Variants in OGDH observed in about 807,000 individuals in gnomAD.
The protein encoded by OGDH is 2-oxoglutarate dehydrogenase complex component E1.
OGDH carries 38 observed loss-of-function variants against 116.6 expected under a neutral mutation model. The observed-to-expected ratio is 0.33, with a 90% CI of 0.25 to 0.43. The LOEUF is 0.43. Among genes scored for constraint, OGDH ranks in the 20% least tolerant of loss-of-function variants. The probability of loss-of-function intolerance (pLI) is 1.00; values close to 1 mark genes in which losing one functional copy is unlikely to be tolerated. For missense variants in OGDH, 825 were observed against 1,357.2 expected (o/e 0.61, Z 6.16); for synonymous variants, 488 against 533.3 (o/e 0.92, Z 1.17).
intron 13 of OGDH, 107 bp from the exon 14 acceptor site, chr7:44,696,322 C>A: frequency 7.3e-7 from 1 of 1,369,030 alleles, no homozygotes; most frequent in Non-Finnish European, 1.0e-6. Flanking sequence ...ACAGTGTGAG[C>A]TACATTGTCT....
chr7:44,645,245 CA>C (rs1585276247), intron 2 of OGDH, 81 bp from the exon 3 acceptor site: 1 of 1,301,684 alleles, frequency 7.7e-7, no homozygotes, highest in East Asian at 2.3e-5. Flanking sequence ...GCCTTGCCTG[CA>C]GAGAGCAGTT....
rs139585590 is a variant in OGDH, at chr7:44,668,042, G to A, written c.633+1191G>A. On this transcript the variant is annotated intron_variant, in intron 5 of 22. Transcript: ENST00000222673. Reference sequence around the variant, plus strand: ...ACAGCCCAGGTCCCCTAAATCAGAAGCCCTCTAGCACCCCAGGGATTAATG... The same window carrying A: ...ACAGCCCAGGTCCCCTAAATCAGAAACCCTCTAGCACCCCAGGGATTAATG... 3.6e-3 allele frequency among the ~76,000 whole-genome samples: 547 copies of A among 152,270 alleles called. 3 individuals are homozygous for A. Among genetic ancestry groups the A allele is most frequent in the South Asian group, 7.4e-3 (36 of 4,834 alleles).
chr7:44,613,636 G>A (rs1784653162), intron 1 of OGDH, among the ~76,000 whole-genome samples: 1 of 152,030 alleles, frequency 6.6e-6, no homozygotes, highest in African/African-American at 2.4e-5. Context: ...TGGGATTACA[G>A]GCGTGAGCCA....
intron 4 of OGDH, among the ~76,000 whole-genome samples, chr7:44,659,486 T>C (rs1165217554): frequency 6.6e-6 from 1 of 152,226 alleles, no homozygotes; most frequent in Non-Finnish European, 1.5e-5. Flanking sequence ...TCAAATACTT[T>C]ATAGAATTTT....
intron 4 of OGDH, among the ~76,000 whole-genome samples, chr7:44,653,449 G>A (rs1786542735): frequency 1.3e-5 from 2 of 152,030 alleles, no homozygotes; most frequent in African/African-American, 4.8e-5. Flanking sequence ...AAATGCCACT[G>A]TCTGTGGTTT....
chr7:44,646,489 T>C (rs1250834471), intron 3 of OGDH, among the ~76,000 whole-genome samples: 1 of 152,244 alleles, frequency 6.6e-6, no homozygotes, highest in Non-Finnish European at 1.5e-5. Context: ...AGAAAGGAGA[T>C]GCATGGAGTT....
intron 9 of OGDH, among the ~76,000 whole-genome samples, chr7:44,680,027 A>T (rs535258243): frequency 6.6e-6 from 1 of 152,300 alleles, no homozygotes; most frequent in Admixed American, 6.5e-5. Context: ...CATGACCAAC[A>T]TGGTGAAACC....
chr7:44,698,943 A>AG (rs1431482733), intron 18 of OGDH, among the ~76,000 whole-genome samples: 2 of 151,912 alleles, frequency 1.3e-5, no homozygotes, highest in African/African-American at 2.4e-5. Flanking sequence ...CAGGAGTTTG[A>AG]GACCAGCCTG....
At chr7:44,615,688 G>A (rs1784740721) in intron 1 of OGDH, among the ~76,000 whole-genome samples, 1 of 152,114 alleles carries the variant, frequency 6.6e-6, no homozygotes, top group South Asian at 2.1e-4. Context: ...GCATTTCTGG[G>A]TTGTAGGCTT....
intron 4 of OGDH, among the ~76,000 whole-genome samples, chr7:44,656,060 G>T (rs927899120): frequency 3.3e-5 from 5 of 152,102 alleles, no homozygotes; most frequent in African/African-American, 1.2e-4. Flanking sequence ...CATCGTCAGG[G>T]TGCTAACCTC....
chr7:44,612,675 G>A (rs1390127094), intron 1 of OGDH, among the ~76,000 whole-genome samples: 1 of 151,528 alleles, frequency 6.6e-6, no homozygotes, highest in African/African-American at 2.4e-5. Context: ...GAGCCACCAC[G>A]CCTGGCCACC....
At chr7:44,679,851 C>T (rs1439065892) in intron 9 of OGDH, among the ~76,000 whole-genome samples, 1 of 152,190 alleles carries the variant, frequency 6.6e-6, no homozygotes, top group Non-Finnish European at 1.5e-5. Context: ...ATCAGCTCTG[C>T]TGTGGGTCTC....
intron 3 of OGDH, among the ~76,000 whole-genome samples, chr7:44,646,007 G>A (rs1337336859): frequency 6.6e-6 from 1 of 152,202 alleles, no homozygotes; most frequent in Non-Finnish European, 1.5e-5. Context: ...CCTACAGAGA[G>A]TGATGAGGGG....
intron 2 of OGDH, 145 bp from the exon 3 acceptor site, chr7:44,645,182 C>G (rs1450489177): frequency 1.4e-6 from 1 of 697,112 alleles, no homozygotes; most frequent in Non-Finnish European, 2.4e-6. Flanking sequence ...TGGGAACAGA[C>G]AGAGACCCCA....
At chr7:44,645,844 C>A (rs1348575696) in intron 3 of OGDH, among the ~76,000 whole-genome samples, 2 of 152,222 alleles carry the variant, frequency 1.3e-5, no homozygotes, top group African/African-American at 4.8e-5. Flanking sequence ...TGCTGCCCAT[C>A]TGCCAGTGAG....
intron 2 of OGDH, among the ~76,000 whole-genome samples, chr7:44,631,829 A>C (rs1405044783): frequency 1.5e-4 from 21 of 140,970 alleles, no homozygotes; most frequent in Admixed American, 2.9e-4. Flanking sequence ...CCCCCTCTCC[A>C]CCCCCTTCCC....
At chr7:44,634,971 G>T (rs1785600822) in intron 2 of OGDH, among the ~76,000 whole-genome samples, 1 of 152,240 alleles carries the variant, frequency 6.6e-6, no homozygotes, top group African/African-American at 2.4e-5. Context: ...ACACATATGG[G>T]TTTTAAATCT....
At chr7:44,631,797 G>T (rs952318580) in intron 2 of OGDH, among the ~76,000 whole-genome samples, 1 of 151,784 alleles carries the variant, frequency 6.6e-6, no homozygotes, top group African/African-American at 2.4e-5. Flanking sequence ...TAAAATTCTA[G>T]CTCTCTTTTC....
intron 3 of OGDH, among the ~76,000 whole-genome samples, chr7:44,646,619 A>T (rs913114984): frequency 1.3e-5 from 2 of 152,258 alleles, no homozygotes; most frequent in Admixed American, 6.5e-5. Flanking sequence ...CTTCAGCCTG[A>T]TCTTGCAGTG....
Sources: gnomAD v4.1 joint callset for allele counts (sites outside exome capture counted in the v4.1 genomes callset) on GRCh38, gnomAD v4.1.1 for gene constraint, MANE v1.5 for transcripts, NCBI Gene and HGNC (gene_info 2026-07-23, HGNC 2026-07-21) for gene names.